The following TTN variants were observed in gnomAD, a reference collection of about 807,000 sequenced individuals.
The protein encoded by TTN is titin.
In TTN, 1,525 loss-of-function variants were observed where a neutral mutation model predicts 3,223.0. The observed-to-expected ratio is 0.47, with a 90% CI of 0.45 to 0.49. The LOEUF (loss-of-function observed/expected upper bound fraction) is 0.49. Among genes scored for constraint, TTN ranks in the 20% least tolerant of loss-of-function variants. The probability of loss-of-function intolerance (pLI) is 0.00; values close to 1 mark genes in which losing one functional copy is unlikely to be tolerated. For missense variants in TTN, 40,786 were observed against 43,424.0 expected, an observed-to-expected ratio of 0.94 and a Z score of 5.40; for synonymous variants, 14,094 against 15,161.0, an observed-to-expected ratio of 0.93 and a Z score of 5.17.
intron 21 of TTN, among the ~76,000 whole-genome samples, chr2:178,780,848 A>G (rs1212645181): frequency 1.3e-5 from 2 of 152,190 alleles, no homozygotes; most frequent in Admixed American, 1.3e-4. Flanking sequence ...CTGGAAGGCA[A>G]CCGGATTTAG....
intron 273 of TTN, 94 bp from the exon 274 acceptor site, chr2:178,609,002 G>A: frequency 1.4e-6 from 2 of 1,473,308 alleles, no homozygotes; most frequent in Non-Finnish European, 9.1e-7. Flanking sequence ...GACATGATTT[G>A]TGGTTTTCCC....
rs759762530 is a variant in TTN, at chr2:178,590,441, C to T, written c.61284G>A (p.Arg20428=). ...WNRINKDELI[R]QCAFRVPGLI... Reference sequence around the variant, plus strand: ...GTCCAGGTACCCTAAAGGCACATTGCCTAATGAGTTCATCTTTATTAATCC... The same window carrying T: ...GTCCAGGTACCCTAAAGGCACATTGTCTAATGAGTTCATCTTTATTAATCC... Residue 20428 remains arginine (R), a synonymous_variant, in exon 304 of 363, where the codon AGG becomes AGA. Transcript: ENST00000589042. The T allele has an allele frequency of 2.5e-6, 4 of 1,612,832 alleles. No individual in the cohort carries two copies. In the Middle Eastern group the frequency reaches 5.0e-4, roughly 200 times the overall value.
intron 288 of TTN, chr2:178,600,431 A>G (rs1362877028): frequency 1.3e-5 from 1 of 79,596 alleles, no homozygotes. Context: ...ATATATATAT[A>G]TATATATATA....
Position 178,578,794 on chromosome 2 carries a change from T to C in TTN, c.68224+12A>G. The stretch of plus-strand genomic sequence containing the variant: ...TGTTTTGCTTTACGTCTTCTGAATT[T>C]AAGACACTTACCAAATGGATGTCTC... On this transcript the variant is annotated intron_variant, in intron 320 of 362. Coordinates refer to ENST00000589042, the MANE Select transcript of TTN (RefSeq NM_001267550.2). 1.9e-6 allele frequency: 3 copies of C among 1,608,630 alleles called. No individual in the cohort carries two copies. The highest frequency in any genetic ancestry group is 2.2e-5 in the East Asian group (1 of 44,722).
chr2:178,613,106 C>T (rs756281784), intron 264 of TTN, 34 bp from the exon 265 acceptor site: 2 of 1,608,378 alleles, frequency 1.2e-6, no homozygotes, highest in Admixed American at 1.7e-5. Flanking sequence ...TTAGGTTTGT[C>T]AAAAAGGAGT....
At chr2:178,646,356 C>T (rs2062002051) in intron 216 of TTN, 129 bp downstream of exon 216, 1 of 562,018 alleles carries the variant, frequency 1.8e-6, no homozygotes, top group South Asian at 3.9e-5. Context: ...ATGAGGCTCA[C>T]ATTTACAACA....
chr2:178,588,077 CGCATCT>C lies in TTN; in HGVS notation c.63324_63329del (p.Asp21109_Ala21110del). 1 of 1,612,930 alleles carries C rather than the reference CGCATCT, an allele frequency of 6.2e-7. No homozygotes were observed. Among genetic ancestry groups the C allele is most frequent in the Non-Finnish European group, 8.5e-7 (1 of 1,179,348 alleles). On this transcript the variant is annotated inframe_deletion, in exon 305 of 363. Coordinates refer to ENST00000589042, the MANE Select transcript of TTN (RefSeq NM_001267550.2). ...ACCGTTTCCAGCCTTCATCAGGAGACGCATCTGCTATTTTTGGTCTCATTTCCACAA... is the reference window on the plus strand; with the variant it reads ...ACCGTTTCCAGCCTTCATCAGGAGACGCTATTTTTGGTCTCATTTCCACAA...
At chr2:178,750,353 C>CA (rs1184846086) in intron 47 of TTN, 1 of 1,613,148 alleles carries the variant, frequency 6.2e-7, no homozygotes, top group Non-Finnish European at 8.5e-7. Context: ...AAATAGCACA[C>CA]AAGTAATAGA....
chr2:178,719,507 C>T, intron 82 of TTN, 47 bp downstream of exon 82: 2 of 1,588,706 alleles, frequency 1.3e-6, no homozygotes, highest in Non-Finnish European at 1.7e-6. Context: ...TGTGCCCCTC[C>T]ACCCCCTGGA....
intron 125 of TTN, 137 bp from the exon 126 acceptor site, chr2:178,688,915 TA>T: frequency 8.6e-7 from 1 of 1,162,138 alleles, no homozygotes; most frequent in Non-Finnish European, 1.2e-6. Flanking sequence ...CACAAGGACA[TA>T]AACACAAAAG....
chr2:178,692,145 CT>C lies in TTN; in HGVS notation c.31679-47del, dbSNP rs1326966321. The C allele has an allele frequency of 4.6e-6, 7 of 1,523,966 alleles. No homozygotes were observed. The East Asian group carries it at 1.6e-4, about 34-fold the overall frequency. 94.4% of individuals were successfully genotyped at this position (1,523,966 alleles called of 1,614,324 possible). On this transcript the variant is annotated intron_variant, in intron 120 of 362. Coordinates refer to ENST00000589042, the MANE Select transcript of TTN (RefSeq NM_001267550.2). The stretch of plus-strand genomic sequence containing the variant: ...AAATAATGTGGAATATTCTAGTCAC[CT>C]TCTGAGACATCTAAGATTACATTAA...
At chr2:178,711,555 G>A (rs147758315) in intron 96 of TTN, among the ~76,000 whole-genome samples, 317 of 152,264 alleles carry the variant, frequency 2.1e-3, no homozygotes, top group Non-Finnish European at 4.0e-3. Context: ...ATGCACAGTA[G>A]GTGCAAAACA....
At chr2:178,797,614 T>C (rs906939198) in intron 6 of TTN, among the ~76,000 whole-genome samples, 5 of 152,164 alleles carry the variant, frequency 3.3e-5, no homozygotes, top group African/African-American at 1.2e-4. Context: ...TAAGCTTACG[T>C]AATTTTGTAT....
intron 353 of TTN, 46 bp downstream of exon 353, chr2:178,538,900 A>G (rs1363822459): frequency 6.3e-7 from 1 of 1,582,818 alleles, no homozygotes; most frequent in Non-Finnish European, 8.6e-7. Flanking sequence ...AAAGGACCAA[A>G]CATGGCTTGC....
chr2:178,565,208 G>C lies in TTN; in HGVS notation c.80924C>G (p.Pro26975Arg). 6.2e-7 allele frequency: 1 copy of C among 1,613,524 alleles called. No homozygotes were observed. The highest frequency in any genetic ancestry group is 1.1e-5 in the South Asian group (1 of 91,046). Reference protein sequence around the residue: ...LSVIVLEKPGPPVGPVRFDEV... With the variant: ...LSVIVLEKPGRPVGPVRFDEV... ...ATCAAACCGAACTGGGCCAACTGGA[G>C]GTCCAGGCTTTTCTAAAACGATAAC... The change falls in exon 326 of 363, where the codon CCT (proline) becomes CGT (arginine). Residue 26975 changes from proline to arginine, a missense_variant. Coordinates refer to ENST00000589042, the MANE Select transcript of TTN (RefSeq NM_001267550.2).
At position 178,587,190 on chromosome 2, in the gene TTN, T is replaced by A; in HGVS notation, c.64021A>T (p.Thr21341Ser). ...CCAGGGCCATATTCGTTGACAGCAG[T>A]TACTCTGAAGTAATACTCATTCCCA... ...VPGNEYYFRVTAVNEYGPGVP... is the reference protein window; with the variant it reads ...VPGNEYYFRVSAVNEYGPGVP... Residue 21341 changes from threonine (T) to serine (S), a missense_variant, in exon 307 of 363, where the codon ACT becomes TCT. Thr to Ser is a moderately conservative substitution (Grantham distance 58). Coordinates refer to ENST00000589042, the MANE Select transcript of TTN (RefSeq NM_001267550.2). 4 of 1,613,300 alleles carry A rather than the reference T, an allele frequency of 2.5e-6. No homozygotes were observed. The highest frequency in any genetic ancestry group is 3.4e-6 in the Non-Finnish European group (4 of 1,179,466).
intron 8 of TTN, 23 bp downstream of exon 8, chr2:178,794,376 C>T (rs765237769): frequency 3.1e-6 from 5 of 1,613,626 alleles, no homozygotes; most frequent in African/African-American, 2.7e-5. Context: ...TCTGCGGGTG[C>T]CCCATGGCAG....
chr2:178,695,865 C>T lies in TTN; in HGVS notation c.31207G>A (p.Glu10403Lys). 2 of 1,443,742 alleles carry T rather than the reference C, an allele frequency of 1.4e-6. No individual in the cohort carries two copies. The highest frequency in any genetic ancestry group is 1.6e-5 in the South Asian group (1 of 61,870). The allele number at this position is 1,443,742 out of a possible 1,614,324, so 89.4% of individuals were successfully genotyped here. A position where few individuals can be genotyped will look rare whatever the true frequency, so the allele number is the denominator to read the frequency against. Reference sequence around the variant, plus strand: ...AACAAGTCATTCAGTTTATACATACCTTCATAGACCTCCTTTTGAACTTGA... The same window carrying T: ...AACAAGTCATTCAGTTTATACATACTTTCATAGACCTCCTTTTGAACTTGA... Reference protein sequence around the residue: ...VIQVQKEVYEESHERKVPAKV... With the variant: ...VIQVQKEVYEKSHERKVPAKV... Residue 10403 changes from glutamate to lysine, a missense_variant and splice_region_variant, in exon 114 of 363, where the codon GAA becomes AAA. Coordinates refer to ENST00000589042, the MANE Select transcript of TTN (RefSeq NM_001267550.2).
intron 218 of TTN, among the ~76,000 whole-genome samples, chr2:178,643,368 T>A (rs538983287): frequency 1.3e-5 from 2 of 152,138 alleles, no homozygotes; most frequent in Admixed American, 6.6e-5. Flanking sequence ...ATCATTTTTT[T>A]AATGTCAAAT....
Sources: gnomAD v4.1 joint callset for allele counts (sites outside exome capture counted in the v4.1 genomes callset) on GRCh38, gnomAD v4.1.1 for gene constraint, MANE v1.5 for transcripts, NCBI Gene and HGNC (gene_info 2026-07-23, HGNC 2026-07-21) for gene names.